The following USP30 variants were observed in gnomAD, a reference collection of about 807,000 sequenced individuals.
The protein encoded by USP30 is ubiquitin carboxyl-terminal hydrolase 30.
USP30 carries 41 observed loss-of-function variants against 68.2 expected under a neutral mutation model. The ratio of observed to expected loss-of-function variants is 0.60; its 90% CI spans 0.47 to 0.78. The LOEUF is 0.78. Ranked by LOEUF, USP30 falls within the 30% of genes least tolerant of loss-of-function variation. USP30 has a pLI of 0.00. For missense variants in USP30, 522 were observed against 649.4 expected (o/e 0.80, Z 2.13); for synonymous variants, 229 against 253.7 (o/e 0.90, Z 0.93).
At chr12:109,085,617 A>G in intron 12 of USP30, 50 bp from the exon 13 acceptor site, 1 of 1,596,346 alleles carries the variant, frequency 6.3e-7, no homozygotes, top group Non-Finnish European at 8.6e-7. Context: ...TTGCCTATAA[A>G]GTCTTTTTGT....
chr12:109,042,211 T>C (rs555361073), intron 3 of USP30, among the ~76,000 whole-genome samples: 52 of 152,138 alleles, frequency 3.4e-4, no homozygotes, highest in African/African-American at 1.1e-3. Flanking sequence ...CTTTTTTTTT[T>C]CCAAAAGGAA....
At chr12:109,030,411 G>A (rs1167467376) in intron 3 of USP30, among the ~76,000 whole-genome samples, 1 of 152,166 alleles carries the variant, frequency 6.6e-6, no homozygotes, top group East Asian at 1.9e-4. Flanking sequence ...CCTAATACAA[G>A]ATCTTAAAAC....
At position 109,035,861 on chromosome 12, in the gene USP30, T is replaced by G. The variant is rs117658137; in HGVS notation, c.-136+8305T>G. Reference sequence around the variant, plus strand: ...CTTTAAAATCAGATACACAAAAAAATTATATACAAAAAATACATGGGCCAG... The same window carrying G: ...CTTTAAAATCAGATACACAAAAAAAGTATATACAAAAAATACATGGGCCAG... On this transcript the variant is annotated intron_variant, in intron 3 of 15. Transcript: ENST00000392784. Among the ~76,000 whole-genome samples the G allele has an allele frequency of 1.0e-3, 156 of 152,294 alleles. 3 individuals are homozygous for G. The East Asian group carries it at 0.029, about 28-fold the overall frequency.
chr12:109,034,776 T>C (rs1484474240), intron 3 of USP30, among the ~76,000 whole-genome samples: 1 of 152,220 alleles, frequency 6.6e-6, no homozygotes, highest in Non-Finnish European at 1.5e-5. Flanking sequence ...TTCTGTCCTT[T>C]TTTTTTCATT....
At chr12:109,081,848 C>A in intron 8 of USP30, 85 bp from the exon 9 acceptor site, 3 of 1,322,748 alleles carry the variant, frequency 2.3e-6, no homozygotes, top group Non-Finnish European at 3.3e-6. Flanking sequence ...CAAAATAAAG[C>A]TCTGGTCTTC....
intron 2 of USP30, among the ~76,000 whole-genome samples, chr12:109,026,873 C>T (rs1230994216): frequency 6.6e-6 from 1 of 152,132 alleles, no homozygotes; most frequent in Admixed American, 6.6e-5. Context: ...AGATGGCCAC[C>T]TTCTCTCTGT....
At chr12:109,075,601 C>A (rs1169972344) in intron 7 of USP30, among the ~76,000 whole-genome samples, 1 of 152,226 alleles carries the variant, frequency 6.6e-6, no homozygotes, top group Non-Finnish European at 1.5e-5. Context: ...ATCCGCCTGT[C>A]TCGGCCTCCC....
chr12:109,038,727 C>G (rs931068838), intron 3 of USP30, among the ~76,000 whole-genome samples: 3 of 152,146 alleles, frequency 2.0e-5, no homozygotes, highest in Non-Finnish European at 4.4e-5. Context: ...TTTTACATTC[C>G]TGCTAGCAAC....
intron 1 of USP30, among the ~76,000 whole-genome samples, chr12:109,055,400 A>ATATTTTTT (rs1298811530): frequency 4.1e-5 from 1 of 24,472 alleles, no homozygotes; most frequent in African/African-American, 1.1e-4. Context: ...ATATATATAT[A>ATATTTTTT]TTTTTTTTTT....
chr12:109,042,200 GC>G (rs2040569896), intron 3 of USP30, among the ~76,000 whole-genome samples: 1 of 149,832 alleles, frequency 6.7e-6, no homozygotes, highest in Admixed American at 6.7e-5. Context: ...CTTCTGATGA[GC>G]TTTTTTTTTT....
At chr12:109,054,204 T>C (rs1270472900) in intron 1 of USP30, among the ~76,000 whole-genome samples, 1 of 152,200 alleles carries the variant, frequency 6.6e-6, no homozygotes, top group African/African-American at 2.4e-5. Context: ...AAAAGCACAG[T>C]GATGTATTAA....
rs563679509 is a variant in USP30, at chr12:109,070,872, G to T, written c.481-740G>T. 1.6e-4 allele frequency among the ~76,000 whole-genome samples: 25 copies of T among 152,308 alleles called. No homozygotes were observed. The highest frequency in any genetic ancestry group is 2.6e-4 in the Admixed American group (4 of 15,302). On this transcript the variant is annotated intron_variant, in intron 4 of 12. Transcript: ENST00000257548. This position sits in a 1 kb window ranked among gnomAD's most constrained non-coding sequence, Gnocchi z 4.0. ...GCAGCATGTTCGCAATAGCCAAGGG[G>T]TAGAAGCAACCCAAGTGTTCATCGG... is the stretch of plus-strand genomic sequence containing the variant.
At chr12:109,073,325 A>G in intron 6 of USP30, 113 bp from the exon 7 acceptor site, 1 of 709,730 alleles carries the variant, frequency 1.4e-6, no homozygotes, top group Non-Finnish European at 2.4e-6. Flanking sequence ...GTACTTTTCA[A>G]GAATATTTTT....
At chr12:109,048,754 C>G (rs111769280), upstream of USP30, among the ~76,000 whole-genome samples, 1 of 133,324 alleles carries the variant, frequency 7.5e-6, no homozygotes, top group Non-Finnish European at 1.6e-5. Context: ...AAAAAAAAAA[C>G]AAAAAAAGAA....
At chr12:109,059,131 A>G (rs1200197894) in intron 3 of USP30, among the ~76,000 whole-genome samples, 3 of 152,226 alleles carry the variant, frequency 2.0e-5, no homozygotes, top group African/African-American at 4.8e-5. Context: ...GTAGCCCCCA[A>G]CTTGGAGAGT....
intron 3 of USP30, among the ~76,000 whole-genome samples, chr12:109,028,677 A>T (rs1010860686): frequency 6.6e-6 from 1 of 152,108 alleles, no homozygotes; most frequent in East Asian, 1.9e-4. Context: ...GGGTTTCACC[A>T]TGTTGACCAG....
At chr12:109,023,348 T>TTCCA (rs2040420558) in intron 1 of USP30, among the ~76,000 whole-genome samples, 1 of 151,692 alleles carries the variant, frequency 6.6e-6, no homozygotes, top group African/African-American at 2.4e-5. Context: ...AGGTCAGGAG[T>TTCCA]TCCAGACCAG....
At chr12:109,029,571 G>A (rs1335261108) in intron 3 of USP30, among the ~76,000 whole-genome samples, 2 of 152,198 alleles carry the variant, frequency 1.3e-5, no homozygotes, top group East Asian at 1.9e-4. Context: ...CCCATTGTAT[G>A]AGTGTGAAGT....
chr12:109,061,214 A>G (rs545661706), intron 3 of USP30, among the ~76,000 whole-genome samples: 1 of 151,996 alleles, frequency 6.6e-6, no homozygotes, highest in South Asian at 2.1e-4. Flanking sequence ...TAAAAACACC[A>G]CTCCAAAGAT....
Sources: allele counts gnomAD v4.1 joint callset (sites outside exome capture counted in the v4.1 genomes callset), GRCh38; gene constraint gnomAD v4.1.1; non-coding constraint Gnocchi (gnomAD v3.1); transcripts MANE v1.5; gene names NCBI Gene and HGNC (gene_info 2026-07-23, HGNC 2026-07-21).